The following SOS2 variants were observed in gnomAD, a reference collection of about 807,000 sequenced individuals.
SOS2 encodes SOS Ras/Rho guanine nucleotide exchange factor 2.
Under a neutral mutation model 148.2 loss-of-function variants are expected in SOS2, and 65 were observed. The observed-to-expected ratio is 0.44, with a 90% CI of 0.36 to 0.54. The LOEUF is 0.54. Among genes scored for constraint, SOS2 ranks in the 20% least tolerant of loss-of-function variants. SOS2 has a pLI of 0.00. For missense variants in SOS2, 1,341 were observed against 1,590.2 expected (o/e 0.84, Z 2.67); for synonymous variants, 539 against 537.1 (o/e 1.00, Z -0.05).
chr14:50,161,439 GAAGT>G (rs768899848), intron 9 of SOS2, 39 bp downstream of exon 9: 18 of 1,546,206 alleles, frequency 1.2e-5, no homozygotes, highest in Non-Finnish European at 1.6e-5. Context: ...CAGAGACAGC[GAAGT>G]AAGCAGAGGC....
chr14:50,160,784 G>C (rs561882538), intron 9 of SOS2, among the ~76,000 whole-genome samples: 4 of 152,280 alleles, frequency 2.6e-5, no homozygotes, highest in Admixed American at 6.5e-5. Flanking sequence ...CAGATCACCT[G>C]AGCCCAGGAG....
intron 7 of SOS2, among the ~76,000 whole-genome samples, chr14:50,176,819 G>A (rs1371235991): frequency 1.3e-5 from 2 of 152,284 alleles, no homozygotes; most frequent in Non-Finnish European, 2.9e-5. Context: ...AGAACAGCCT[G>A]GCCAACATGG....
chr14:50,180,776 G>A, intron 6 of SOS2, 94 bp from the exon 7 acceptor site: 2 of 666,004 alleles, frequency 3.0e-6, no homozygotes, highest in Non-Finnish European at 5.0e-6. Flanking sequence ...CCAGGAGTTC[G>A]AGGTTACAGT....
At chr14:50,132,725 T>A (rs1721667582) in intron 19 of SOS2, among the ~76,000 whole-genome samples, 1 of 152,120 alleles carries the variant, frequency 6.6e-6, no homozygotes, top group Non-Finnish European at 1.5e-5. Context: ...GCTCAAGGCA[T>A]TTTTCTTGTT....
chr14:50,194,952 G>C (rs924708569), intron 4 of SOS2, among the ~76,000 whole-genome samples: 5 of 151,724 alleles, frequency 3.3e-5, no homozygotes, highest in Non-Finnish European at 2.9e-5. Flanking sequence ...TATCAGACTT[G>C]TACACTTTAC....
rs1484591662 is a variant in SOS2, at chr14:50,159,684, G to A, written c.1599C>T (p.Asn533=). The part of the protein sequence containing the change: ...IFAAKSAEEK[N]NWMAALISLH... ...GAGAAATAAGGGCTGCCATCCAGTTGTTTTTTTCTTCAGCAGACTTAGCAG... is the reference window on the plus strand; with the variant it reads ...GAGAAATAAGGGCTGCCATCCAGTTATTTTTTTCTTCAGCAGACTTAGCAG... Residue 533 remains asparagine (N), a synonymous_variant, in exon 10 of 23, where the codon AAC becomes AAT. Transcript: ENST00000216373. 6.2e-7 allele frequency: 1 copy of A among 1,613,872 alleles called. No homozygotes were observed. The highest frequency in any genetic ancestry group is 8.5e-7 in the Non-Finnish European group (1 of 1,179,918).
At position 50,117,407 on chromosome 14, in the gene SOS2, T is replaced by G. The variant is rs1359192899; in HGVS notation, c.*937A>C. 6.6e-6 allele frequency: 1 copy of G among 152,216 alleles called. No individual in the cohort carries two copies. Among genetic ancestry groups the G allele is most frequent in the Non-Finnish European group, 1.5e-5 (1 of 68,046 alleles). 9.4% of individuals were successfully genotyped at this position (152,216 alleles called of 1,614,324 possible). Reference sequence around the variant, plus strand: ...TCTAAAAAATATATTTAAAAAAAATTTCAGTTAACACGAGATTTATAGAGA... The same window carrying G: ...TCTAAAAAATATATTTAAAAAAAATGTCAGTTAACACGAGATTTATAGAGA... On this transcript the variant is annotated 3_prime_UTR_variant, in exon 23 of 23. Transcript: ENST00000216373.
intron 14 of SOS2, among the ~76,000 whole-genome samples, chr14:50,149,647 C>A (rs140303719): frequency 1.4e-4 from 21 of 152,290 alleles, no homozygotes; most frequent in African/African-American, 3.6e-4. Flanking sequence ...GAAAAGAAAA[C>A]CCATCTCACA....
rs553330677 is a variant in SOS2, at chr14:50,121,578, G to T, written c.3380-1194C>A. Among the ~76,000 whole-genome samples, 3 of 147,890 alleles carry T rather than the reference G, an allele frequency of 2.0e-5. No homozygotes were observed. The East Asian group carries it at 5.9e-4, about 29-fold the overall frequency. On this transcript the variant is annotated intron_variant, in intron 21 of 22. Transcript: ENST00000216373. Reference sequence around the variant, plus strand: ...CAGGGGGAAATAGCTGATACAAAAGGTACGCCTATGAGGTTGGCAGATGGT... The same window carrying T: ...CAGGGGGAAATAGCTGATACAAAAGTTACGCCTATGAGGTTGGCAGATGGT...
chr14:50,120,736 CTTTT>C (rs34012845), intron 21 of SOS2, among the ~76,000 whole-genome samples: 1 of 107,500 alleles, frequency 9.3e-6, no homozygotes. Flanking sequence ...AATCAGAGAC[CTTTT>C]TTTTTTTTTT....
At chr14:50,155,074 T>C (rs1317846687) in intron 12 of SOS2, among the ~76,000 whole-genome samples, 1 of 150,204 alleles carries the variant, frequency 6.7e-6, no homozygotes, top group Non-Finnish European at 1.5e-5. Flanking sequence ...AATGAACTGA[T>C]AGATGAATGA....
chr14:50,150,190 G>A lies in SOS2; in HGVS notation c.2202C>T (p.Ile734=), dbSNP rs758841295. 3 of 1,613,128 alleles carry A rather than the reference G, an allele frequency of 1.9e-6. No individual in the cohort carries two copies. In the South Asian group the frequency reaches 3.3e-5, roughly 18 times the overall value. The change falls in exon 14 of 23, where the codon ATC becomes ATT. Residue 734 remains isoleucine, a synonymous_variant. Transcript: ENST00000216373. The part of the protein sequence containing the change: ...MKKWVESIAK[I]IRRKKQAQAN... Reference sequence around the variant, plus strand: ...CCTGAGCTTGCTTCTTCCTCCTGATGATCTTAGCAATTGACTCTACCCATT... The same window carrying A: ...CCTGAGCTTGCTTCTTCCTCCTGATAATCTTAGCAATTGACTCTACCCATT...
intron 2 of SOS2, 152 bp from the exon 3 acceptor site, chr14:50,201,236 T>C: frequency 1.3e-6 from 1 of 785,068 alleles, no homozygotes; most frequent in Non-Finnish European, 1.9e-6. Flanking sequence ...ATTTTTTGGC[T>C]TAAAAAAAAG....
intron 8 of SOS2, among the ~76,000 whole-genome samples, chr14:50,171,682 CAAAAAAAAAAAAAAAA>C (rs57389741): frequency 9.7e-6 from 1 of 103,162 alleles, no homozygotes; most frequent in Non-Finnish European, 1.9e-5. Flanking sequence ...AATTCCATCT[CAAAAAAAAAAAAAAAA>C]AAAAAAAAAA....
intron 5 of SOS2, among the ~76,000 whole-genome samples, chr14:50,187,766 T>C (rs1195028573): frequency 6.6e-6 from 1 of 152,222 alleles, no homozygotes; most frequent in East Asian, 1.9e-4. Flanking sequence ...GCATAAACTT[T>C]TATTTTTAAA....
At chr14:50,132,198 A>G (rs1182379345) in intron 19 of SOS2, among the ~76,000 whole-genome samples, 2 of 152,088 alleles carry the variant, frequency 1.3e-5, no homozygotes, top group Non-Finnish European at 2.9e-5. Flanking sequence ...AGTGTGGTCC[A>G]GTCAAAGCAA....
chr14:50,193,679 C>T (rs1307140895), intron 4 of SOS2, among the ~76,000 whole-genome samples: 1 of 151,982 alleles, frequency 6.6e-6, no homozygotes, highest in Admixed American at 6.6e-5. Flanking sequence ...TTTGGATATA[C>T]TAAGATCATA....
intron 1 of SOS2, among the ~76,000 whole-genome samples, chr14:50,218,149 AAAAG>A (rs1224246164): frequency 5.3e-5 from 8 of 150,610 alleles, no homozygotes; most frequent in Non-Finnish European, 1.0e-4. Context: ...CAAAAAAAAA[AAAAG>A]AAAGAAAGAA....
intron 21 of SOS2, among the ~76,000 whole-genome samples, chr14:50,123,170 C>G (rs1883574355): frequency 6.6e-6 from 1 of 152,066 alleles, no homozygotes; most frequent in South Asian, 2.1e-4. Flanking sequence ...GGCTGTGAGG[C>G]TAAATGGCTG....
Sources: allele counts gnomAD v4.1 joint callset (sites outside exome capture counted in the v4.1 genomes callset), GRCh38; gene constraint gnomAD v4.1.1; transcripts MANE v1.5; gene names NCBI Gene and HGNC (gene_info 2026-07-23, HGNC 2026-07-21).